Variants in NFIC observed in about 807,000 individuals in gnomAD.
The protein encoded by NFIC is nuclear factor 1 C-type.
A neutral mutation model predicts 54.4 loss-of-function variants in NFIC; 12 were observed. The ratio of observed to expected loss-of-function variants is 0.22; its 90% CI spans 0.14 to 0.36. NFIC has a LOEUF of 0.36. Ranked by LOEUF, NFIC falls within the 10% of genes least tolerant of loss-of-function variation. The probability of loss-of-function intolerance (pLI) is 1.00; values close to 1 mark genes in which losing one functional copy is unlikely to be tolerated. For synonymous variants in NFIC, 322 were observed against 319.2 expected (o/e 1.01, Z -0.09); for missense variants, 575 against 718.2 (o/e 0.80, Z 2.28).
upstream of NFIC, among the ~76,000 whole-genome samples, chr19:3,364,195 G>T (rs1026333994): frequency 3.3e-5 from 5 of 151,232 alleles, no homozygotes; most frequent in African/African-American, 1.2e-4. Flanking sequence ...GTGCTCGAAA[G>T]TGCCAGGAGC....
chr19:3,404,798 G>C (rs1290810242), intron 2 of NFIC, among the ~76,000 whole-genome samples: 3 of 152,208 alleles, frequency 2.0e-5, no homozygotes, highest in African/African-American at 4.8e-5. Context: ...GTCCCTACGC[G>C]CAGGCCTCCG....
chr19:3,426,075 C>T (rs1398287765), intron 3 of NFIC, among the ~76,000 whole-genome samples: 1 of 151,676 alleles, frequency 6.6e-6, no homozygotes, highest in African/African-American at 2.4e-5. Context: ...GCTGGGATTA[C>T]AGGTGTGTGC....
At chr19:3,449,463 A>T (rs1400434822) in intron 7 of NFIC, among the ~76,000 whole-genome samples, 1 of 151,816 alleles carries the variant, frequency 6.6e-6, no homozygotes, top group Non-Finnish European at 1.5e-5. Flanking sequence ...AGGCAGGATC[A>T]GAAGCTGCCA....
rs111812096 is a variant in NFIC, at chr19:3,455,934, A to G, written c.1424-616A>G. ...GCCTCGCTGCCTCCAGCTCCCCCCAACCCCAGCCAGGACAACTTGGGGACC... is the reference window on the plus strand; with the variant it reads ...GCCTCGCTGCCTCCAGCTCCCCCCAGCCCCAGCCAGGACAACTTGGGGACC... On this transcript the variant is annotated intron_variant, in intron 9 of 10. Coordinates refer to ENST00000443272, the MANE Select transcript of NFIC (RefSeq NM_001245002.2). Among the ~76,000 whole-genome samples the G allele has an allele frequency of 1.3e-4, 19 of 151,044 alleles. 1 individual carries two copies. Among genetic ancestry groups the G allele is most frequent in the African/African-American group, 2.4e-4 (10 of 41,058 alleles).
At chr19:3,379,826 A>T (rs905878174) in intron 1 of NFIC, among the ~76,000 whole-genome samples, 52 of 151,280 alleles carry the variant, frequency 3.4e-4, no homozygotes, top group Middle Eastern at 3.4e-3. Context: ...AGTAGTTGGG[A>T]CTGCAGGTAT....
chr19:3,426,488 C>T (rs535867121), intron 3 of NFIC, among the ~76,000 whole-genome samples: 1 of 152,266 alleles, frequency 6.6e-6, no homozygotes, highest in South Asian at 2.1e-4. Context: ...CATCCTAGCC[C>T]CCAGCTCCTG....
rs185087456 is a variant in NFIC, at chr19:3,407,214, C to T, written c.563-17892C>T. 3.4e-3 allele frequency among the ~76,000 whole-genome samples: 501 copies of T among 149,530 alleles called. 7 individuals carry two copies. The highest frequency in any genetic ancestry group is 0.027 in the East Asian group (136 of 4,980). On this transcript the variant is annotated intron_variant, in intron 2 of 10. Coordinates refer to ENST00000443272, the MANE Select transcript of NFIC (RefSeq NM_001245002.2). Reference sequence around the variant, plus strand: ...CTGCAAGCTCTGCCTCCCGGGTTCACGCCATTCTCCTGCCTCAGCCTCCCG... The same window carrying T: ...CTGCAAGCTCTGCCTCCCGGGTTCATGCCATTCTCCTGCCTCAGCCTCCCG...
chr19:3,448,698 G>C (rs2145672579), intron 6 of NFIC, among the ~76,000 whole-genome samples: 1 of 152,270 alleles, frequency 6.6e-6, no homozygotes, highest in South Asian at 2.1e-4. Flanking sequence ...GTGACTCCCA[G>C]GTGATGGGGC....
In NFIC at chr19:3,463,144, A is replaced by C; in HGVS notation, c.*375A>C. 3.6e-6 allele frequency: 4 copies of C among 1,113,332 alleles called. No individual in the cohort carries two copies. Among genetic ancestry groups the C allele is most frequent in the Non-Finnish European group, 4.4e-6 (4 of 911,346 alleles). 69.0% of individuals were successfully genotyped at this position (1,113,332 alleles called of 1,614,324 possible). A position where few individuals can be genotyped will look rare whatever the true frequency, so the allele number is the denominator to read the frequency against. The stretch of plus-strand genomic sequence containing the variant: ...TCTCCTCTCCGCCTGCTGCTCGGGA[A>C]GGACAGACGCCGGCCGCCCGCCCGC... On this transcript the variant is annotated 3_prime_UTR_variant, in exon 11 of 11. Coordinates refer to ENST00000443272, the MANE Select transcript of NFIC (RefSeq NM_001245002.2).
intron 2 of NFIC, among the ~76,000 whole-genome samples, chr19:3,386,156 G>A (rs2145488500): frequency 6.6e-6 from 1 of 152,004 alleles, no homozygotes; most frequent in South Asian, 2.1e-4. Flanking sequence ...GGAGGCCAAG[G>A]CAGGTGACTC....
At chr19:3,422,648 C>T (rs1023732987) in intron 2 of NFIC, among the ~76,000 whole-genome samples, 11 of 151,472 alleles carry the variant, frequency 7.3e-5, no homozygotes, top group African/African-American at 2.7e-4. Flanking sequence ...ACCCAGGAGA[C>T]GGAGCTTGCA....
At chr19:3,399,488 A>C (rs1025307598) in intron 2 of NFIC, among the ~76,000 whole-genome samples, 16 of 152,106 alleles carry the variant, frequency 1.1e-4, no homozygotes, top group African/African-American at 3.9e-4. Context: ...CGGCAGGAGG[A>C]TTGCTCAAGT....
intron 2 of NFIC, among the ~76,000 whole-genome samples, chr19:3,385,243 G>C (rs933023338): frequency 1.5e-5 from 2 of 129,876 alleles, no homozygotes; most frequent in African/African-American, 5.9e-5. Context: ...GGGTGCTCCA[G>C]CTCCTCATGG....
rs1031657818 is a variant in NFIC at position 3,467,645 on chromosome 19, G to A, written c.*4876G>A. 6.6e-6 allele frequency: 1 copy of A among 150,672 alleles called. No homozygotes were observed. The highest frequency in any genetic ancestry group is 1.5e-5 in the Non-Finnish European group (1 of 67,762). 9.3% of individuals were successfully genotyped at this position (150,672 alleles called of 1,614,324 possible). On this transcript the variant is annotated 3_prime_UTR_variant, in exon 11 of 11. Coordinates refer to ENST00000443272, the MANE Select transcript of NFIC (RefSeq NM_001245002.2). ...CACCCCACTGTCCCTTGCAAGACAG[G>A]TTCTGGAGCCAGGAGCAACTGTCCA...
chr19:3,414,710 C>T (rs535888625), intron 2 of NFIC, among the ~76,000 whole-genome samples: 1 of 152,118 alleles, frequency 6.6e-6, no homozygotes, highest in African/African-American at 2.4e-5. Context: ...GTTTGCTCAT[C>T]TAATGTCAGA....
intron 1 of NFIC, among the ~76,000 whole-genome samples, chr19:3,376,626 C>T (rs1159895925): frequency 6.6e-6 from 1 of 152,046 alleles, no homozygotes; most frequent in African/African-American, 2.4e-5. Flanking sequence ...CCCAGCTACT[C>T]AGGAAGCTGA....
chr19:3,417,316 A>G (rs2081877099), intron 2 of NFIC, among the ~76,000 whole-genome samples: 1 of 152,132 alleles, frequency 6.6e-6, no homozygotes, highest in Non-Finnish European at 1.5e-5. Flanking sequence ...TAGACAGACA[A>G]CTTTGCTTTG....
chr19:3,395,670 A>ATTTT (rs2081450721), intron 2 of NFIC, among the ~76,000 whole-genome samples: 1 of 150,562 alleles, frequency 6.6e-6, no homozygotes, highest in Non-Finnish European at 1.5e-5. Context: ...CTGATTTTTT[A>ATTTT]TTTTTATTTA....
At chr19:3,416,551 C>T (rs2081857289) in intron 2 of NFIC, among the ~76,000 whole-genome samples, 1 of 151,148 alleles carries the variant, frequency 6.6e-6, no homozygotes, top group Non-Finnish European at 1.5e-5. Flanking sequence ...GACAGAGTTT[C>T]ACTCTTGTTG....
Sources: allele counts gnomAD v4.1 joint callset (sites outside exome capture counted in the v4.1 genomes callset), GRCh38; gene constraint gnomAD v4.1.1; transcripts MANE v1.5; gene names NCBI Gene and HGNC (gene_info 2026-07-23, HGNC 2026-07-21).